SPIN1: variants seen among roughly 807,000 people sequenced by gnomAD.
SPIN1 encodes spindlin-1.
Under a neutral mutation model 26.0 loss-of-function variants are expected in SPIN1, and 3 were observed. That is an observed-to-expected ratio of 0.12 (90% CI 0.05 to 0.30). SPIN1 has a LOEUF of 0.30. Among genes scored for constraint, SPIN1 ranks in the 10% least tolerant of loss-of-function variants. The pLI is 1.00. For synonymous variants in SPIN1, 101 were observed against 116.5 expected (o/e 0.87, Z 0.86); for missense variants, 126 against 333.4 (o/e 0.38, Z 4.84).
chr9:88,395,485 C>A (rs1275087179), intron 1 of SPIN1, among the ~76,000 whole-genome samples: 2 of 151,980 alleles, frequency 1.3e-5, no homozygotes, highest in African/African-American at 2.4e-5. Context: ...ATAAATATTG[C>A]GGCAATGAAT....
chr9:88,434,942 C>T (rs1827969735), intron 2 of SPIN1, among the ~76,000 whole-genome samples: 2 of 151,658 alleles, frequency 1.3e-5, no homozygotes, highest in African/African-American at 2.4e-5. Flanking sequence ...ATCCCCACTA[C>T]TTGGGAGGCT....
chr9:88,440,867 G>A (rs1388418180), intron 2 of SPIN1, among the ~76,000 whole-genome samples: 1 of 151,644 alleles, frequency 6.6e-6, no homozygotes, highest in Non-Finnish European at 1.5e-5. Flanking sequence ...GCATGACACC[G>A]CGCCTGGCCT....
At chr9:88,448,812 A>G (rs952113562) in intron 2 of SPIN1, 129 bp from the exon 3 acceptor site, 6 of 692,442 alleles carry the variant, frequency 8.7e-6, no homozygotes, top group South Asian at 6.4e-5. Context: ...CTTTCTTAAC[A>G]TGTTTGCTGG....
intron 1 of SPIN1, among the ~76,000 whole-genome samples, chr9:88,421,755 T>C (rs1463891645): frequency 6.6e-6 from 1 of 152,092 alleles, no homozygotes; most frequent in African/African-American, 2.4e-5. Flanking sequence ...CCACTTTTCA[T>C]GTACAAAGTC....
chr9:88,413,840 G>C (rs140576585), intron 1 of SPIN1, among the ~76,000 whole-genome samples: 257 of 152,266 alleles, frequency 1.7e-3, no homozygotes, highest in Middle Eastern at 0.014. Context: ...GTTCGACTTA[G>C]ATCAAAGTTA....
chr9:88,429,187 A>G (rs2118035094), intron 2 of SPIN1, among the ~76,000 whole-genome samples: 1 of 152,274 alleles, frequency 6.6e-6, no homozygotes, highest in African/African-American at 2.4e-5. Context: ...TCTCTTATGT[A>G]ATTCAATACA....
At chr9:88,401,370 T>A (rs759108640) in intron 1 of SPIN1, among the ~76,000 whole-genome samples, 1 of 151,684 alleles carries the variant, frequency 6.6e-6, no homozygotes, top group Non-Finnish European at 1.5e-5. Flanking sequence ...GGAAAAAAAA[T>A]TCATACAGCC....
chr9:88,407,294 C>CATA (rs1827331138), intron 1 of SPIN1, among the ~76,000 whole-genome samples: 1 of 151,978 alleles, frequency 6.6e-6, no homozygotes, highest in Admixed American at 6.6e-5. Flanking sequence ...GTGTGCGCCA[C>CATA]CATGCTTGGC....
intron 1 of SPIN1, among the ~76,000 whole-genome samples, chr9:88,393,503 G>A (rs911972232): frequency 1.6e-5 from 2 of 125,074 alleles, no homozygotes; most frequent in Non-Finnish European, 3.1e-5. Context: ...TCACCAGGCT[G>A]GAGTGCAGTG....
At chr9:88,393,319 G>T (rs1826973152) in intron 1 of SPIN1, among the ~76,000 whole-genome samples, 1 of 150,970 alleles carries the variant, frequency 6.6e-6, no homozygotes. Flanking sequence ...ATATTTCTTT[G>T]TAGTTGTTTA....
At chr9:88,456,406 T>C (rs1036436226) in intron 3 of SPIN1, among the ~76,000 whole-genome samples, 5 of 152,144 alleles carry the variant, frequency 3.3e-5, no homozygotes, top group Admixed American at 3.3e-4. Context: ...TGCCAACAAG[T>C]AAATAAACTA....
chr9:88,422,820 C>T (rs1381536877), intron 1 of SPIN1, among the ~76,000 whole-genome samples: 1 of 151,980 alleles, frequency 6.6e-6, no homozygotes, highest in Non-Finnish European at 1.5e-5. Flanking sequence ...GGCGATTCTC[C>T]TGCCTCAGCC....
intron 3 of SPIN1, among the ~76,000 whole-genome samples, chr9:88,451,821 A>G (rs1828358922): frequency 6.6e-6 from 1 of 152,214 alleles, no homozygotes; most frequent in African/African-American, 2.4e-5. Context: ...TCAGCCTCCC[A>G]AAGTGCTGGG....
chr9:88,394,235 T>C (rs555768355), intron 1 of SPIN1, among the ~76,000 whole-genome samples: 1 of 152,360 alleles, frequency 6.6e-6, no homozygotes, highest in South Asian at 2.1e-4. Context: ...CCTGGTTCTC[T>C]TTCCTTTGAC....
chr9:88,408,402 G>A (rs1422912244), intron 1 of SPIN1, among the ~76,000 whole-genome samples: 1 of 137,360 alleles, frequency 7.3e-6, no homozygotes, highest in African/African-American at 2.9e-5. Flanking sequence ...TTTTGAGACG[G>A]AGTGTTGCTC....
intron 1 of SPIN1, among the ~76,000 whole-genome samples, chr9:88,404,947 A>G (rs1827265415): frequency 1.3e-5 from 2 of 151,598 alleles, no homozygotes; most frequent in South Asian, 4.2e-4. Flanking sequence ...AAAAAAACTA[A>G]GATACTCAGG....
chr9:88,459,179 A>G (rs930294406), intron 3 of SPIN1, among the ~76,000 whole-genome samples: 1 of 152,224 alleles, frequency 6.6e-6, no homozygotes, highest in Non-Finnish European at 1.5e-5. Flanking sequence ...AAATATGAAG[A>G]AAGCCTGATC....
intron 1 of SPIN1, among the ~76,000 whole-genome samples, chr9:88,414,908 T>G (rs934435857): frequency 2.0e-5 from 3 of 152,102 alleles, no homozygotes; most frequent in Non-Finnish European, 4.4e-5. Context: ...GTTTAATAAT[T>G]TTTTTTGTTT....
chr9:88,448,764 G>C (rs995293004), intron 2 of SPIN1, among the ~76,000 whole-genome samples, 177 bp from the exon 3 acceptor site: 66 of 152,098 alleles, frequency 4.3e-4, no homozygotes, highest in African/African-American at 1.5e-3. Flanking sequence ...AGAATCTCTT[G>C]TGTGTATCTC....
Sources: gnomAD v4.1 joint callset for allele counts (sites outside exome capture counted in the v4.1 genomes callset) on GRCh38, gnomAD v4.1.1 for gene constraint, MANE v1.5 for transcripts, NCBI Gene and HGNC (gene_info 2026-07-23, HGNC 2026-07-21) for gene names.